PARD6G: variants seen among roughly 807,000 people sequenced by gnomAD.
The protein encoded by PARD6G is partitioning defective 6 homolog gamma.
Under a neutral mutation model 10.7 loss-of-function variants are expected in PARD6G, and 7 were observed. The ratio of observed to expected loss-of-function variants is 0.66; its 90% CI spans 0.37 to 1.23. PARD6G has a LOEUF of 1.23. Among genes scored for constraint, PARD6G ranks in the 50% most tolerant of loss-of-function variants. PARD6G has a pLI of 0.02. For synonymous variants in PARD6G, 287 were observed against 269.4 expected (o/e 1.07, Z -0.64); for missense variants, 548 against 571.8 (o/e 0.96, Z 0.42).
chr18:80,242,050 C>G (rs751431241), intron 1 of PARD6G, among the ~76,000 whole-genome samples: 4 of 152,158 alleles, frequency 2.6e-5, no homozygotes, highest in African/African-American at 9.7e-5. Flanking sequence ...GGCTCTACCC[C>G]CTGGCTAGCT....
At chr18:80,242,851 A>C (rs1481795813) in intron 1 of PARD6G, among the ~76,000 whole-genome samples, 1 of 152,252 alleles carries the variant, frequency 6.6e-6, no homozygotes, top group African/African-American at 2.4e-5. Context: ...ATACCATTTC[A>C]CTCATCTAAT....
intron 1 of PARD6G, among the ~76,000 whole-genome samples, chr18:80,245,460 G>A (rs1967533683): frequency 6.6e-6 from 1 of 152,236 alleles, no homozygotes; most frequent in Admixed American, 6.5e-5. Context: ...TCACACCACC[G>A]CACAGACCTA....
intron 1 of PARD6G, among the ~76,000 whole-genome samples, chr18:80,203,145 T>C (rs954134419): frequency 1.3e-5 from 2 of 152,220 alleles, no homozygotes; most frequent in African/African-American, 2.4e-5. Context: ...ATACGATTTC[T>C]CTTCCTTTGG....
rs1485000769 is a variant in PARD6G, at chr18:80,236,226, T to C, written c.72+11051A>G. ...ACAAATCAATAAACGTAATCCAGCA[T>C]ATAAACAGAACCAACGACAAAAACC... is the stretch of plus-strand genomic sequence containing the variant. On this transcript the variant is annotated intron_variant, in intron 1 of 2. Coordinates refer to ENST00000353265, the MANE Select transcript of PARD6G (RefSeq NM_032510.4). Among the ~76,000 whole-genome samples the C allele has an allele frequency of 2.0e-5, 3 of 152,320 alleles. No homozygotes were observed. In the East Asian group the frequency reaches 5.8e-4, roughly 29 times the overall value.
chr18:80,221,082 T>C (rs1967223185), intron 1 of PARD6G, among the ~76,000 whole-genome samples: 1 of 152,186 alleles, frequency 6.6e-6, no homozygotes, highest in Non-Finnish European at 1.5e-5. Flanking sequence ...AATTGAATTA[T>C]CTGGGTCTGG....
rs551970447 is a variant in PARD6G at position 80,238,144 on chromosome 18, CG to C, written c.72+9132del. Among the ~76,000 whole-genome samples the C allele has an allele frequency of 9.7e-4, 148 of 152,188 alleles. 1 individual carries two copies. In the South Asian group the frequency reaches 0.023, roughly 23 times the overall value. On this transcript the variant is annotated intron_variant, in intron 1 of 2. Coordinates refer to ENST00000353265, the MANE Select transcript of PARD6G (RefSeq NM_032510.4). ...TGGAAAATGTGGCACATATACACCA[CG>C]GAATACTATGCAGCCATAAAAAATG...
intron 2 of PARD6G, 70 bp from the exon 3 acceptor site, chr18:80,160,676 C>G (rs897679686): frequency 7.0e-6 from 10 of 1,424,762 alleles, no homozygotes; most frequent in African/African-American, 1.5e-5. Flanking sequence ...CGTCATACAC[C>G]TGGCACTGCT....
intron 2 of PARD6G, among the ~76,000 whole-genome samples, chr18:80,186,137 T>C (rs1191460296): frequency 2.4e-4 from 21 of 88,090 alleles, no homozygotes; most frequent in South Asian, 4.3e-4. Context: ...CACATGCGTA[T>C]ACCCTCACGC....
chr18:80,191,628 C>T (rs1449416896), intron 2 of PARD6G, among the ~76,000 whole-genome samples: 1 of 152,190 alleles, frequency 6.6e-6, no homozygotes, highest in Non-Finnish European at 1.5e-5. Context: ...ATGTTTAAAT[C>T]ATTTAGGTTT....
rs531406598 is a variant in PARD6G, at chr18:80,201,575, CAG to C, written c.295+1133_295+1134del. Among the ~76,000 whole-genome samples, 332 of 152,322 alleles carry C rather than the reference CAG, an allele frequency of 2.2e-3. No homozygotes were observed. The highest frequency in any genetic ancestry group is 7.6e-3 in the African/African-American group (316 of 41,570). ...CCAGGCCCAGTGAGAACTGCAGATG[CAG>C]AGTGTTCTGATCTTGTGCCAGAGAA... On this transcript the variant is annotated intron_variant, in intron 2 of 2. Coordinates refer to ENST00000353265, the MANE Select transcript of PARD6G (RefSeq NM_032510.4). This position sits in a 1 kb window ranked among gnomAD's most constrained non-coding sequence, Gnocchi z 5.9.
intron 2 of PARD6G, chr18:80,187,740 C>A (rs1467302055): frequency 2.0e-5 from 3 of 152,146 alleles, no homozygotes; most frequent in African/African-American, 7.2e-5. Context: ...GGGTCAGGCC[C>A]CGTTCGGAGA....
At chr18:80,232,950 T>TC (rs1308782259) in intron 1 of PARD6G, among the ~76,000 whole-genome samples, 1 of 152,072 alleles carries the variant, frequency 6.6e-6, no homozygotes, top group Non-Finnish European at 1.5e-5. Context: ...AGGTAAACCC[T>TC]CCTGAGGGAC....
intron 1 of PARD6G, among the ~76,000 whole-genome samples, chr18:80,244,271 A>G (rs1172976010): frequency 6.6e-6 from 1 of 152,188 alleles, no homozygotes; most frequent in Admixed American, 6.5e-5. Flanking sequence ...GGGTGGTCCC[A>G]TGAACAGAAC....
chr18:80,224,869 C>T (rs1967274746), intron 1 of PARD6G, among the ~76,000 whole-genome samples: 1 of 151,896 alleles, frequency 6.6e-6, no homozygotes, highest in Non-Finnish European at 1.5e-5. Flanking sequence ...AAGTGACAGT[C>T]CAAGCCCCTG....
intron 1 of PARD6G, among the ~76,000 whole-genome samples, chr18:80,214,055 A>G (rs1157439405): frequency 1.3e-5 from 2 of 152,124 alleles, no homozygotes; most frequent in African/African-American, 2.4e-5. Context: ...GAAACTGTCC[A>G]TGAGGGGGCC....
At chr18:80,178,772 G>A (rs2052831092) in intron 2 of PARD6G, among the ~76,000 whole-genome samples, 1 of 152,166 alleles carries the variant, frequency 6.6e-6, no homozygotes, top group South Asian at 2.1e-4. Flanking sequence ...CCACGAATCT[G>A]GGCAGATGGA....
intron 1 of PARD6G, among the ~76,000 whole-genome samples, chr18:80,222,644 G>GA (rs1163512295): frequency 6.6e-6 from 1 of 152,006 alleles, no homozygotes; most frequent in Non-Finnish European, 1.5e-5. Context: ...TGAGAGTACA[G>GA]AAAAAAACCT....
rs1250274103 is a variant in PARD6G at position 80,183,317 on chromosome 18, CA to C, written c.295+19392del. 6.6e-6 allele frequency among the ~76,000 whole-genome samples: 1 copy of C among 152,136 alleles called. No homozygotes were observed. The highest frequency in any genetic ancestry group is 2.4e-5 in the African/African-American group (1 of 41,430). On this transcript the variant is annotated intron_variant, in intron 2 of 2. Coordinates refer to ENST00000353265, the MANE Select transcript of PARD6G (RefSeq NM_032510.4). This position sits in a 1 kb window ranked among gnomAD's most constrained non-coding sequence, Gnocchi z 4.5. ...GCTGACCTTCTCAGTGGCTCTAAAACAACAAGCGAAAGACAAAAAACCACCA... is the reference window on the plus strand; with the variant it reads ...GCTGACCTTCTCAGTGGCTCTAAAACACAAGCGAAAGACAAAAAACCACCA...
chr18:80,177,048 C>A (rs562375803), intron 2 of PARD6G, among the ~76,000 whole-genome samples: 1 of 138,474 alleles, frequency 7.2e-6, no homozygotes, highest in East Asian at 2.2e-4. Context: ...CACACACACA[C>A]CACAGTATAA....
Sources: gnomAD v4.1 joint callset for allele counts (sites outside exome capture counted in the v4.1 genomes callset) on GRCh38, gnomAD v4.1.1 for gene constraint, Gnocchi (gnomAD v3.1) non-coding constraint, MANE v1.5 for transcripts, NCBI Gene and HGNC (gene_info 2026-07-23, HGNC 2026-07-21) for gene names.